Variants in BST1 observed in about 807,000 individuals in gnomAD.
BST1 encodes the protein ADP-ribosyl cyclase/cyclic ADP-ribose hydrolase 2.
BST1 carries 49 observed loss-of-function variants against 40.6 expected under a neutral mutation model. The observed-to-expected ratio is 1.21, with a 90% confidence interval of 0.96 to 1.53. BST1 has a LOEUF of 1.53. Ranked by LOEUF, BST1 falls within the 40% of genes most tolerant of loss-of-function variation. The pLI is 0.00. For synonymous variants in BST1, 157 were observed against 159.3 expected, an observed-to-expected ratio of 0.99 and a Z score of 0.11; for missense variants, 423 against 395.9, an observed-to-expected ratio of 1.07 and a Z score of -0.58.
downstream of BST1, among the ~76,000 whole-genome samples, chr4:15,735,376 C>G (rs770828362): frequency 6.6e-6 from 1 of 152,140 alleles, no homozygotes; most frequent in South Asian, 2.1e-4. Flanking sequence ...ATGAAGTAGA[C>G]CTTCCACGTG....
At chr4:15,715,192 T>C (rs937724415) in intron 4 of BST1, 93 bp from the exon 5 acceptor site, 20 of 1,133,040 alleles carry the variant, frequency 1.8e-5, no homozygotes, top group Admixed American at 7.9e-5. Flanking sequence ...ATCCTTGCCA[T>C]TATTTAGAAC....
At chr4:15,758,915 G>A in the BST1 span, among the ~76,000 whole-genome samples, 1 of 151,978 alleles carries the variant, frequency 6.6e-6, no homozygotes, top group South Asian at 2.1e-4. Flanking sequence ...CTGCATGCTG[G>A]TGTTGTCTTC....
At chr4:15,719,043 TG>T in intron 7 of BST1, 50 bp downstream of exon 7, 2 of 1,543,118 alleles carry the variant, frequency 1.3e-6, no homozygotes, top group Non-Finnish European at 1.8e-6. Context: ...TGTATGATTT[TG>T]GAGGAGGTGG....
the BST1 span, among the ~76,000 whole-genome samples, chr4:15,746,998 A>T: frequency 3.3e-5 from 5 of 152,208 alleles, no homozygotes; most frequent in African/African-American, 1.2e-4. Context: ...AATGCACAGG[A>T]ACTCCAACAA....
At chr4:15,765,601 C>T in the BST1 span, among the ~76,000 whole-genome samples, 1 of 152,028 alleles carries the variant, frequency 6.6e-6, no homozygotes, top group African/African-American at 2.4e-5. Flanking sequence ...CTTGTTCTTC[C>T]TGTGCCATGC....
At chr4:15,750,119 G>C in the BST1 span, among the ~76,000 whole-genome samples, 1 of 152,012 alleles carries the variant, frequency 6.6e-6, no homozygotes, top group Non-Finnish European at 1.5e-5. Flanking sequence ...CCGCCACCCA[G>C]GTTCAAGCGA....
the BST1 span, among the ~76,000 whole-genome samples, chr4:15,768,451 GA>G: frequency 6.7e-6 from 1 of 149,070 alleles, no homozygotes; most frequent in African/African-American, 2.5e-5. Flanking sequence ...ATGTCCTGCT[GA>G]AATACCATGA....
the BST1 span, among the ~76,000 whole-genome samples, chr4:15,765,621 T>A: frequency 6.6e-6 from 1 of 152,024 alleles, no homozygotes; most frequent in African/African-American, 2.4e-5. Flanking sequence ...CACCTGTTAC[T>A]TGACCTCTGC....
At chr4:15,709,364 T>G (rs531146648) in intron 3 of BST1, among the ~76,000 whole-genome samples, 1 of 152,258 alleles carries the variant, frequency 6.6e-6, no homozygotes, top group African/African-American at 2.4e-5. Flanking sequence ...GAGGAAAGTG[T>G]GAGCTATGAG....
the BST1 span, among the ~76,000 whole-genome samples, chr4:15,750,910 G>A: frequency 6.6e-6 from 1 of 152,014 alleles, no homozygotes; most frequent in African/African-American, 2.4e-5. Context: ...AAATTATCAG[G>A]TGGTCCACAA....
intron 4 of BST1, 86 bp from the exon 5 acceptor site, chr4:15,715,199 G>A: frequency 4.9e-6 from 6 of 1,212,414 alleles, no homozygotes; most frequent in Non-Finnish European, 7.2e-6. Flanking sequence ...CCATTATTTA[G>A]AACTGACAAT....
At chr4:15,737,704 G>A (rs573595830), downstream of BST1, 538 of 982,376 alleles carry the variant, frequency 5.5e-4, 2 homozygotes, top group African/African-American at 2.9e-3. Context: ...CTCTCCTGTC[G>A]TAGGTACCAG....
At chr4:15,707,855 C>CTCTCTCTATATATATATA (rs544633858) in intron 3 of BST1, among the ~76,000 whole-genome samples, 3 of 128,630 alleles carry the variant, frequency 2.3e-5, no homozygotes, top group African/African-American at 8.8e-5. Context: ...CTCTCTCTCT[C>CTCTCTCTATATATATATA]TATATATATA....
At chr4:15,731,698 C>T (rs764816953) in intron 8 of BST1, 42 bp from the exon 9 acceptor site, 2 of 1,580,000 alleles carry the variant, frequency 1.3e-6, no homozygotes, top group South Asian at 1.1e-5. Flanking sequence ...AGATTCCATA[C>T]ACCAATACTG....
chr4:15,704,386 T>C (rs1166481072), intron 1 of BST1, among the ~76,000 whole-genome samples: 2 of 122,492 alleles, frequency 1.6e-5, no homozygotes, highest in African/African-American at 6.5e-5. Flanking sequence ...GTGTGTGTGT[T>C]CTAGAGGTAA....
the BST1 span, among the ~76,000 whole-genome samples, chr4:15,767,297 T>C: frequency 6.6e-6 from 1 of 152,044 alleles, no homozygotes; most frequent in Non-Finnish European, 1.5e-5. Flanking sequence ...TTTGAAATAC[T>C]ACTTTTTATC....
the BST1 span, among the ~76,000 whole-genome samples, chr4:15,752,459 G>A: frequency 6.6e-6 from 1 of 151,668 alleles, no homozygotes; most frequent in Non-Finnish European, 1.5e-5. Flanking sequence ...CGCAATCTCG[G>A]CTCACTGCAA....
At chr4:15,724,922 C>T (rs1721015014) in intron 8 of BST1, among the ~76,000 whole-genome samples, 1 of 152,112 alleles carries the variant, frequency 6.6e-6, no homozygotes, top group Non-Finnish European at 1.5e-5. Context: ...GACTTACATT[C>T]CCTTTCTCCT....
At chr4:15,731,585 G>A (rs1403543571) in intron 8 of BST1, 155 bp from the exon 9 acceptor site, 2 of 1,127,178 alleles carry the variant, frequency 1.8e-6, no homozygotes, top group East Asian at 2.6e-5. Context: ...AGGACTTCGC[G>A]CACCGCCTCC....
Sources: allele counts gnomAD v4.1 joint callset (sites outside exome capture counted in the v4.1 genomes callset), GRCh38; gene constraint gnomAD v4.1.1; transcripts MANE v1.5; gene names NCBI Gene and HGNC (gene_info 2026-07-23, HGNC 2026-07-21).